The following NTRK2 variants were observed in gnomAD, a reference collection of about 807,000 sequenced individuals.
NTRK2 encodes neurotrophic receptor tyrosine kinase 2.
Under a neutral mutation model 94.5 loss-of-function variants are expected in NTRK2, and 13 were observed. The observed-to-expected ratio is 0.14, with a 90% CI of 0.09 to 0.22. The LOEUF (loss-of-function observed/expected upper bound fraction) is 0.22. Ranked by LOEUF, NTRK2 falls within the 10% of genes least tolerant of loss-of-function variation. NTRK2 has a pLI of 1.00. For synonymous variants in NTRK2, 372 were observed against 407.4 expected (o/e 0.91, Z 1.05); for missense variants, 639 against 1,071.2 (o/e 0.60, Z 5.63).
At position 84,819,631 on chromosome 9, in the gene NTRK2, G is replaced by T. The variant is rs905270814; in HGVS notation, c.1397-41409G>T. On this transcript the variant is annotated intron_variant, in intron 12 of 18. Coordinates refer to ENST00000277120, the MANE Select transcript of NTRK2 (RefSeq NM_006180.6). ...TCTGACCCATGGGGTGCACTGGCAG[G>T]TCTCAGGCAGAGGAGGCGTTCAGGG... 6.6e-5 allele frequency among the ~76,000 whole-genome samples: 10 copies of T among 152,212 alleles called. No individual in the cohort carries two copies. The South Asian group carries it at 8.3e-4, about 13-fold the overall frequency.
intron 14 of NTRK2, among the ~76,000 whole-genome samples, chr9:84,885,253 G>A (rs762803921): frequency 6.6e-6 from 1 of 152,168 alleles, no homozygotes; most frequent in African/African-American, 2.4e-5. Context: ...AAGACCAGAG[G>A]CCTGTTTTCA....
At chr9:84,864,747 T>TC (rs1159396427) in intron 13 of NTRK2, among the ~76,000 whole-genome samples, 2 of 136,354 alleles carry the variant, frequency 1.5e-5, no homozygotes, top group Non-Finnish European at 3.0e-5. Flanking sequence ...TTTTTTTTTT[T>TC]TTTTTTTTTT....
intron 12 of NTRK2, among the ~76,000 whole-genome samples, chr9:84,859,511 A>G (rs1404151571): frequency 6.6e-6 from 1 of 152,210 alleles, no homozygotes; most frequent in Non-Finnish European, 1.5e-5. Context: ...TAAGGTGTGT[A>G]AAGATGTTCA....
intron 9 of NTRK2, among the ~76,000 whole-genome samples, chr9:84,741,578 T>C (rs1181704407): frequency 1.3e-5 from 2 of 152,212 alleles, no homozygotes; most frequent in African/African-American, 2.4e-5. Context: ...GCCAATTGTA[T>C]AAGAGAAACA....
chr9:84,791,560 G>T (rs956878786), intron 12 of NTRK2, among the ~76,000 whole-genome samples: 1 of 152,156 alleles, frequency 6.6e-6, no homozygotes, highest in Non-Finnish European at 1.5e-5. Flanking sequence ...ACCCTGAAAA[G>T]TTCCAGAGAA....
chr9:84,783,549 G>GAGGGA (rs1185286597), intron 12 of NTRK2, among the ~76,000 whole-genome samples: 2 of 152,214 alleles, frequency 1.3e-5, no homozygotes, highest in Non-Finnish European at 2.9e-5. Flanking sequence ...GGGAAAATGT[G>GAGGGA]AAGTCAGTGG....
At chr9:84,795,478 G>A (rs1185507444) in intron 12 of NTRK2, among the ~76,000 whole-genome samples, 1 of 152,164 alleles carries the variant, frequency 6.6e-6, no homozygotes, top group Non-Finnish European at 1.5e-5. Context: ...GCACATGCTG[G>A]TGCAGGCCGA....
chr9:84,933,309 C>T (rs190448520), intron 14 of NTRK2, among the ~76,000 whole-genome samples: 273 of 152,324 alleles, frequency 1.8e-3, no homozygotes, highest in African/African-American at 6.2e-3. Flanking sequence ...TGGGCCTGTC[C>T]TCCATGACCT....
chr9:84,952,344 G>C (rs557089107), intron 16 of NTRK2, among the ~76,000 whole-genome samples: 11 of 152,232 alleles, frequency 7.2e-5, no homozygotes, highest in African/African-American at 2.4e-4. Context: ...AGTTGGTGCA[G>C]TGCCGGCTGT....
chr9:84,898,520 C>T (rs73476439), intron 14 of NTRK2, among the ~76,000 whole-genome samples: 9,683 of 150,858 alleles, frequency 0.064, 926 homozygotes, highest in African/African-American at 0.21. Context: ...TTTTTTTTCT[C>T]GTTCTTATTT....
intron 17 of NTRK2, among the ~76,000 whole-genome samples, chr9:84,972,286 C>T (rs559700621): frequency 8.5e-5 from 13 of 152,306 alleles, no homozygotes; most frequent in African/African-American, 2.4e-4. Flanking sequence ...GAACTAAGAA[C>T]GAGAGCTGTG....
intron 12 of NTRK2, among the ~76,000 whole-genome samples, chr9:84,851,625 G>C (rs774240881): frequency 6.6e-6 from 1 of 152,136 alleles, no homozygotes; most frequent in Admixed American, 6.6e-5. Context: ...GATGGGAAGG[G>C]AGACAATGGG....
At chr9:84,993,352 C>T (rs2133338095) in intron 17 of NTRK2, among the ~76,000 whole-genome samples, 1 of 152,316 alleles carries the variant, frequency 6.6e-6, no homozygotes, top group East Asian at 1.9e-4. Flanking sequence ...GGCAGCTCCT[C>T]TCCCAATAGC....
intron 14 of NTRK2, among the ~76,000 whole-genome samples, chr9:84,901,014 G>A (rs1021967497): frequency 2.0e-5 from 3 of 152,120 alleles, no homozygotes; most frequent in East Asian, 3.8e-4. Context: ...ATAAAACTAC[G>A]AAGTAGAACA....
intron 14 of NTRK2, among the ~76,000 whole-genome samples, chr9:84,887,457 G>A: frequency 6.6e-6 from 1 of 152,184 alleles, no homozygotes; most frequent in East Asian, 1.9e-4. Flanking sequence ...AGTACCCCCT[G>A]GAGGGGAAGA....
intron 12 of NTRK2, among the ~76,000 whole-genome samples, chr9:84,824,686 G>T (rs2073070122): frequency 6.6e-6 from 1 of 152,186 alleles, no homozygotes; most frequent in Non-Finnish European, 1.5e-5. Context: ...GTGTTTCTGG[G>T]TGCTCTGTGT....
intron 17 of NTRK2, among the ~76,000 whole-genome samples, chr9:85,014,851 C>T (rs1219931107): frequency 6.6e-6 from 1 of 152,168 alleles, no homozygotes; most frequent in Admixed American, 6.5e-5. Context: ...CTACATATCA[C>T]TATCAAAATT....
chr9:84,808,439 G>C lies in NTRK2; in HGVS notation c.1397-52601G>C, dbSNP rs370609300. On this transcript the variant is annotated intron_variant, in intron 12 of 18. Coordinates refer to ENST00000277120, the MANE Select transcript of NTRK2 (RefSeq NM_006180.6). ...AATCTTTTTATTCTGGGGTCATGCT[G>C]TCTCTATCACTAAGTTTCTCCTGTT... Among the ~76,000 whole-genome samples, 9 of 152,318 alleles carry C rather than the reference G, an allele frequency of 5.9e-5. No individual in the cohort carries two copies. The South Asian group carries it at 1.7e-3, about 28-fold the overall frequency.
intron 14 of NTRK2, among the ~76,000 whole-genome samples, chr9:84,896,279 A>G (rs1343714382): frequency 1.3e-5 from 2 of 152,244 alleles, no homozygotes; most frequent in Admixed American, 1.3e-4. Flanking sequence ...GGCACTGTGC[A>G]AGAATGGAAG....
Sources: gnomAD v4.1 joint callset for allele counts (sites outside exome capture counted in the v4.1 genomes callset) on GRCh38, gnomAD v4.1.1 for gene constraint, MANE v1.5 for transcripts, NCBI Gene and HGNC (gene_info 2026-07-23, HGNC 2026-07-21) for gene names.